Variants in TMEM63C observed in about 807,000 individuals in gnomAD.
TMEM63C encodes the protein transmembrane protein 63C, also known as osmosensitive cation channel TMEM63C.
In TMEM63C, 32 loss-of-function variants were observed where a neutral mutation model predicts 99.2. The ratio of observed to expected loss-of-function variants is 0.32; its 90% CI spans 0.24 to 0.43. The LOEUF (loss-of-function observed/expected upper bound fraction) is 0.43, where lower values mean the gene tolerates loss of function less well. Among genes scored for constraint, TMEM63C ranks in the 20% least tolerant of loss-of-function variants. The probability of loss-of-function intolerance (pLI) is 1.00; values close to 1 mark genes in which losing one functional copy is unlikely to be tolerated. For missense variants in TMEM63C, 826 were observed against 1,053.0 expected (o/e 0.78, Z 2.98); for synonymous variants, 376 against 397.9 (o/e 0.94, Z 0.66).
chr14:77,253,503 C>A, intron 23 of TMEM63C, 127 bp downstream of exon 23: 1 of 906,980 alleles, frequency 1.1e-6, no homozygotes, highest in Non-Finnish European at 1.7e-6. Context: ...TGGGGGACCC[C>A]TGGGCTCCCT....
intron 21 of TMEM63C, among the ~76,000 whole-genome samples, chr14:77,249,873 C>T (rs994738043): frequency 3.9e-5 from 6 of 152,120 alleles, no homozygotes; most frequent in African/African-American, 1.2e-4. Flanking sequence ...CTTGCTCTGT[C>T]GTCTAGACTG....
At chr14:77,186,801 C>CTGTGTGTGTCTGTGTG (rs1888005471) in intron 1 of TMEM63C, among the ~76,000 whole-genome samples, 1 of 146,372 alleles carries the variant, frequency 6.8e-6, no homozygotes, top group African/African-American at 2.6e-5. Flanking sequence ...GTGTGTGTGT[C>CTGTGTGTGTCTGTGTG]TGTGTGTGTG....
rs754732283 is a variant in TMEM63C at position 77,239,604 on chromosome 14, C to A, written c.808C>A (p.Arg270Ser). 60 of 1,613,136 alleles carry A rather than the reference C, an allele frequency of 3.7e-5. No homozygotes were observed. The highest frequency in any genetic ancestry group is 5.1e-5 in the Non-Finnish European group (60 of 1,179,736). ...RNLIDLDDQR[R>S]HAMRGRLFYT... ...TCTCCTGTTGCCCACCGCTGGCAGG[C>A]GCCATGCCATGCGGGGCCGGCTTTT... Residue 270 changes from arginine to serine, a missense_variant and splice_region_variant, in exon 12 of 24, where the codon CGC becomes AGC. Physicochemically the swap from Arg to Ser is moderately radical, Grantham distance 110 (BLOSUM62 -1). Coordinates refer to ENST00000298351, the MANE Select transcript of TMEM63C (RefSeq NM_020431.4).
At chr14:77,192,242 AC>A (rs1393075021) in intron 1 of TMEM63C, among the ~76,000 whole-genome samples, 2 of 152,126 alleles carry the variant, frequency 1.3e-5, no homozygotes, top group Non-Finnish European at 2.9e-5. Flanking sequence ...TACACCCTTT[AC>A]CTGTAATAAC....
In TMEM63C at chr14:77,194,549, C is replaced by CTTTT. The variant is rs1566616307; in HGVS notation, c.-77+12658_-77+12659insTTTT. 1.2e-3 allele frequency among the ~76,000 whole-genome samples: 22 copies of CTTTT among 18,306 alleles called. 1 individual carries two copies. Among genetic ancestry groups the CTTTT allele is most frequent in the African/African-American group, 3.2e-3 (21 of 6,550 alleles). The allele number at this position is 18,306 out of a possible 152,430, so 12.0% of individuals were successfully genotyped here. A position where few individuals can be genotyped will look rare whatever the true frequency, so the allele number is the denominator to read the frequency against. ...TCTTTCTTTCTTTCTTTCTTTCTTT[C>CTTTT]TTTCTCTTTCTTTCTTTCTGTCTTT... On this transcript the variant is annotated intron_variant, in intron 1 of 23. Coordinates refer to ENST00000298351, the MANE Select transcript of TMEM63C (RefSeq NM_020431.4).
Position 77,256,674 on chromosome 14 carries a change from C to CGG in TMEM63C, c.2370_2371dup (p.Ala791GlyfsTer29). The CGG allele has an allele frequency of 1.2e-6, 2 of 1,614,012 alleles. No individual in the cohort carries two copies. Among genetic ancestry groups the CGG allele is most frequent in the Non-Finnish European group, 1.7e-6 (2 of 1,179,884 alleles). ...AGGGGCTTTGCGAGGGAGCTAGACT[C>CGG]GGCCCAGTTCCAGGAAGGGCTGGAA... is the stretch of plus-strand genomic sequence containing the variant. On this transcript the variant is annotated frameshift_variant, in exon 24 of 24. Transcript: ENST00000298351. LOFTEE classifies it high-confidence loss of function.
chr14:77,219,993 C>G lies in TMEM63C; in HGVS notation c.231-13C>G. 1.3e-6 allele frequency: 2 copies of G among 1,554,704 alleles called. No homozygotes were observed. Among genetic ancestry groups the G allele is most frequent in the Non-Finnish European group, 1.7e-6 (2 of 1,148,784 alleles). ...CTCCTTTCTTACCTCCCTGCCCCTT[C>G]CCTGGCTGGCAGCCTGACCTCGCTG... is the stretch of plus-strand genomic sequence containing the variant. On this transcript the variant is annotated splice_polypyrimidine_tract_variant and intron_variant, in intron 4 of 23. Transcript: ENST00000298351.
chr14:77,228,680 G>T (rs1186246470), intron 6 of TMEM63C, among the ~76,000 whole-genome samples: 1 of 151,970 alleles, frequency 6.6e-6, no homozygotes, highest in Non-Finnish European at 1.5e-5. Context: ...GGGATTACAG[G>T]CACGTGCCAC....
At chr14:77,201,561 C>T (rs1027681498) in intron 1 of TMEM63C, among the ~76,000 whole-genome samples, 1 of 152,156 alleles carries the variant, frequency 6.6e-6, no homozygotes, top group African/African-American at 2.4e-5. Context: ...CCTGGCCCAG[C>T]GGCATCAGCA....
chr14:77,212,963 A>G (rs1888516675), intron 1 of TMEM63C, among the ~76,000 whole-genome samples: 1 of 152,234 alleles, frequency 6.6e-6, no homozygotes, highest in African/African-American at 2.4e-5. Flanking sequence ...AAAGGCTGGG[A>G]TGTGAACTCC....
At position 77,253,347 on chromosome 14, in the gene TMEM63C, A is replaced by G; in HGVS notation, c.2191A>G (p.Ser731Gly). 1 of 1,612,994 alleles carries G rather than the reference A, an allele frequency of 6.2e-7. No individual in the cohort carries two copies. The highest frequency in any genetic ancestry group is 8.5e-7 in the Non-Finnish European group (1 of 1,179,618). ...CCAGACAGTGTTTGACATGGAGCCA[A>G]GCAGCACCTCCTCCACGCCCACCTC... ...EIQTVFDMEP[S>G]STSSTPTSLL... The change falls in exon 23 of 24, where the codon AGC becomes GGC. Residue 731 changes from serine to glycine, a missense_variant. Transcript: ENST00000298351.
At chr14:77,231,774 G>A (rs1339784356) in intron 7 of TMEM63C, 44 bp downstream of exon 7, 1 of 1,549,156 alleles carries the variant, frequency 6.5e-7, no homozygotes, top group South Asian at 1.2e-5. Context: ...CTGGACCTGA[G>A]AGGCAGCCAG....
At chr14:77,196,779 C>T (rs1888221578) in intron 1 of TMEM63C, among the ~76,000 whole-genome samples, 1 of 152,182 alleles carries the variant, frequency 6.6e-6, no homozygotes, top group African/African-American at 2.4e-5. Flanking sequence ...GTGTAGTTTC[C>T]AATGTTGTGG....
chr14:77,240,952 T>TC (rs56383851), intron 13 of TMEM63C, among the ~76,000 whole-genome samples: 9,227 of 147,238 alleles, frequency 0.063, 444 homozygotes, highest in Admixed American at 0.1. Context: ...TTTTTCTTTT[T>TC]TTTTTTTTTT....
intron 1 of TMEM63C, among the ~76,000 whole-genome samples, chr14:77,185,875 G>C (rs1194675104): frequency 6.6e-6 from 1 of 152,124 alleles, no homozygotes; most frequent in Non-Finnish European, 1.5e-5. Flanking sequence ...CCACTGGAAG[G>C]ATGAATGGGA....
At chr14:77,235,097 T>C (rs778083020) in intron 8 of TMEM63C, among the ~76,000 whole-genome samples, 23 of 151,954 alleles carry the variant, frequency 1.5e-4, no homozygotes, top group Admixed American at 3.9e-4. Context: ...AGTGAGAAAA[T>C]GCACACCATG....
intron 1 of TMEM63C, among the ~76,000 whole-genome samples, chr14:77,210,484 T>C (rs1453746275): frequency 6.6e-6 from 1 of 152,116 alleles, no homozygotes; most frequent in East Asian, 1.9e-4. Context: ...TACTGATATT[T>C]AGGGAAAGAT....
chr14:77,211,376 G>A (rs1198054658), intron 1 of TMEM63C, among the ~76,000 whole-genome samples: 10 of 152,188 alleles, frequency 6.6e-5, no homozygotes, highest in African/African-American at 1.9e-4. Context: ...ATTTAGGGAT[G>A]GTTCTCATAC....
rs777214998 is a variant in TMEM63C at position 77,256,570 on chromosome 14, C to G, written c.2265C>G (p.Thr755=). The part of the protein sequence containing the change: ...TVLQEPELNL[T]PASSPARHTY... ...TGCAAGAACCGGAGTTGAATCTGAC[C>G]CCCGCCTCCTCCCCAGCCAGGCACA... Residue 755 remains threonine (T), a synonymous_variant, in exon 24 of 24, where the codon ACC becomes ACG. Coordinates refer to ENST00000298351, the MANE Select transcript of TMEM63C (RefSeq NM_020431.4). 1.9e-6 allele frequency: 3 copies of G among 1,614,028 alleles called. No individual in the cohort carries two copies. Among genetic ancestry groups the G allele is most frequent in the South Asian group, 2.2e-5 (2 of 91,086 alleles).
Sources: gnomAD v4.1 joint callset for allele counts (sites outside exome capture counted in the v4.1 genomes callset) on GRCh38, gnomAD v4.1.1 for gene constraint, MANE v1.5 for transcripts, NCBI Gene and HGNC (gene_info 2026-07-23, HGNC 2026-07-21) for gene names.